The following CD99L2 variants were observed in gnomAD, a reference collection of about 807,000 sequenced individuals.
The protein encoded by CD99L2 is CD99 antigen-like protein 2.
CD99L2 carries 24 observed loss-of-function variants against 27.3 expected under a neutral mutation model. The ratio of observed to expected loss-of-function variants is 0.88; its 90% confidence interval spans 0.64 to 1.24. CD99L2 has a LOEUF of 1.24. Ranked by LOEUF, CD99L2 falls within the 50% of genes most tolerant of loss-of-function variation. The pLI is 0.00. For synonymous variants in CD99L2, 97 were observed against 87.9 expected (o/e 1.10, Z -0.58); for missense variants, 255 against 221.6 (o/e 1.15, Z -0.96).
At chrX:150,769,592 T>TG (rs2043378259) in intron 10 of CD99L2, among the ~76,000 whole-genome samples, 1 of 111,778 alleles carries the variant, frequency 8.9e-6, no homozygotes, top group Admixed American at 9.4e-5. Flanking sequence ...GCTGAGCCCC[T>TG]CCTGGTCTCC....
intron 8 of CD99L2, 111 bp from the exon 9 acceptor site, chrX:150,776,404 A>G (rs1027185979): frequency 2.2e-5 from 20 of 903,229 alleles, no homozygotes; most frequent in Non-Finnish European, 3.0e-5. Context: ...AGACGCCCCC[A>G]ACCCCCAAGC....
At chrX:150,844,948 T>C (rs2046678992) in intron 1 of CD99L2, among the ~76,000 whole-genome samples, 1 of 111,875 alleles carries the variant, frequency 8.9e-6, no homozygotes, top group African/African-American at 3.3e-5. Flanking sequence ...TGTCTAAAAG[T>C]CTTAAAGTGC....
chrX:150,831,903 C>A (rs1420241073), intron 1 of CD99L2, among the ~76,000 whole-genome samples: 1 of 111,335 alleles, frequency 9.0e-6, no homozygotes, highest in East Asian at 2.8e-4. Context: ...ATATATAGAG[C>A]AAATATTAAT....
intron 1 of CD99L2, among the ~76,000 whole-genome samples, chrX:150,866,584 A>G: frequency 9.0e-6 from 1 of 111,698 alleles, no homozygotes; most frequent in Non-Finnish European, 1.9e-5. Context: ...AAAAAAAATT[A>G]AACTTTAAAA....
At chrX:150,814,986 G>C in intron 3 of CD99L2, 50 bp from the exon 4 acceptor site, 1 of 1,176,809 alleles carries the variant, frequency 8.5e-7, no homozygotes. Context: ...ATTAACAACT[G>C]GGTATAAGAT....
chrX:150,869,816 T>C (rs782352252), intron 1 of CD99L2, among the ~76,000 whole-genome samples: 13 of 111,344 alleles, frequency 1.2e-4, no homozygotes, highest in Non-Finnish European at 7.5e-5. Flanking sequence ...TATAAGCAAG[T>C]AGTTTTAAAA....
At chrX:150,786,548 G>A (rs781944869) in intron 7 of CD99L2, among the ~76,000 whole-genome samples, 7 of 111,512 alleles carry the variant, frequency 6.3e-5, no homozygotes, top group Non-Finnish European at 1.1e-4. Flanking sequence ...TGCAAAGGAC[G>A]TGATCTCATT....
chrX:150,868,420 C>T (rs111725412), intron 1 of CD99L2, among the ~76,000 whole-genome samples: 1,743 of 111,218 alleles, frequency 0.016, 40 homozygotes, highest in African/African-American at 0.054. Flanking sequence ...CCCAGCTACT[C>T]GGGAGGTTGA....
chrX:150,886,554 A>ACATGT (rs1557422631), intron 1 of CD99L2, among the ~76,000 whole-genome samples: 88 of 112,745 alleles, frequency 7.8e-4, no homozygotes, highest in Middle Eastern at 4.6e-3. Context: ...ACACAATGAG[A>ACATGT]TCACATGACA....
rs147257468 is a variant in CD99L2, at chrX:150,858,960, T to G, written c.68-27667A>C. Among the ~76,000 whole-genome samples the G allele has an allele frequency of 4.6e-3, 518 of 111,408 alleles. 27 individuals carry two copies. In the East Asian group the frequency reaches 0.12, roughly 26 times the overall value. On this transcript the variant is annotated intron_variant, in intron 1 of 10. Transcript: ENST00000370377. ...ATTTTGCTAGGCTAACCAAAATAGC[T>G]AGGCTAACCAAGAAGAAGAGAGAAG...
chrX:150,824,562 A>AAGGAGGAGGAGGAGG (rs372923813), intron 2 of CD99L2, among the ~76,000 whole-genome samples: 4 of 86,185 alleles, frequency 4.6e-5, no homozygotes, highest in African/African-American at 1.7e-4. Flanking sequence ...AAGAAGAAAG[A>AAGGAGGAGGAGGAGG]AGGAGGAGGA....
At chrX:150,862,886 G>GAAAGA (rs782333031) in intron 1 of CD99L2, among the ~76,000 whole-genome samples, 1,243 of 108,744 alleles carry the variant, frequency 0.011, 12 homozygotes, top group African/African-American at 0.02. Flanking sequence ...GAAAAAGAAA[G>GAAAGA]AAAGAAAAGA....
chrX:150,893,522 G>A (rs944179658), intron 1 of CD99L2, among the ~76,000 whole-genome samples: 99 of 108,487 alleles, frequency 9.1e-4, no homozygotes, highest in Non-Finnish European at 6.3e-4. Flanking sequence ...TACGCCCCCC[G>A]AACCAAGTTC....
chrX:150,898,619 GCA>G lies in CD99L2; in HGVS notation c.-33_-32del, dbSNP rs1378467506. On this transcript the variant is annotated 5_prime_UTR_variant, in exon 1 of 11. Transcript: ENST00000370377. Reference sequence around the variant, plus strand: ...GGAGCAGGCGGAGGGCCCCGGAGGAGCACAGTTAGCGCGAGAGCGCCCGAAGG... The same window carrying G: ...GGAGCAGGCGGAGGGCCCCGGAGGAGCAGTTAGCGCGAGAGCGCCCGAAGG... The G allele has an allele frequency of 9.3e-7, 1 of 1,079,895 alleles. No homozygotes were observed. The highest frequency in any genetic ancestry group is 2.0e-5 in the African/African-American group (1 of 50,550). The allele number at this position is 1,079,895 out of a possible 1,213,427, so 89.0% of individuals were successfully genotyped here. A position where few individuals can be genotyped will look rare whatever the true frequency, so the allele number is the denominator to read the frequency against.
chrX:150,831,084 C>T, intron 2 of CD99L2, 147 bp downstream of exon 2: 1 of 462,394 alleles, frequency 2.2e-6, no homozygotes, highest in Non-Finnish European at 3.5e-6. Context: ...GCTGGGATTA[C>T]AGGCGTGAGC....
At chrX:150,857,786 A>C (rs2046916141) in intron 1 of CD99L2, among the ~76,000 whole-genome samples, 1 of 112,433 alleles carries the variant, frequency 8.9e-6, no homozygotes, top group Non-Finnish European at 1.9e-5. Context: ...GACAAACAAC[A>C]TACAAAACAA....
intron 4 of CD99L2, among the ~76,000 whole-genome samples, chrX:150,803,186 GC>G (rs2045946263): frequency 9.0e-6 from 1 of 111,642 alleles, no homozygotes; most frequent in Non-Finnish European, 1.9e-5. Flanking sequence ...GAGCCACCAT[GC>G]CCGGCTAGAA....
chrX:150,853,192 T>C (rs186038588), intron 1 of CD99L2, among the ~76,000 whole-genome samples: 1 of 111,704 alleles, frequency 9.0e-6, no homozygotes, highest in East Asian at 2.8e-4. Flanking sequence ...CACCTAGACA[T>C]ACTCCAGCAA....
chrX:150,862,876 G>A (rs1310075018), intron 1 of CD99L2, among the ~76,000 whole-genome samples: 13 of 85,723 alleles, frequency 1.5e-4, no homozygotes, highest in African/African-American at 3.0e-4. Flanking sequence ...AAGAAAGAAA[G>A]AAAAAGAAAG....
Sources: gnomAD v4.1 joint callset for allele counts (sites outside exome capture counted in the v4.1 genomes callset) on GRCh38, gnomAD v4.1.1 for gene constraint, MANE v1.5 for transcripts, NCBI Gene and HGNC (gene_info 2026-07-23, HGNC 2026-07-21) for gene names.